C4orf50: variants seen among roughly 807,000 people sequenced by gnomAD.
C4orf50 encodes uncharacterized protein C4orf50.
Under a neutral mutation model 77.2 loss-of-function variants are expected in C4orf50, and 80 were observed. The observed-to-expected ratio is 1.04, with a 90% CI of 0.87 to 1.25. The LOEUF is 1.25. C4orf50 is among the 50% of genes most tolerant of loss of function. The pLI is 0.00. For missense variants in C4orf50, 1,257 were observed against 1,152.9 expected (o/e 1.09, Z -1.31); for synonymous variants, 532 against 465.3 (o/e 1.14, Z -1.84).
intron 29 of C4orf50, 67 bp from the exon 8 acceptor site, chr4:5,976,022 G>C: frequency 2.2e-6 from 3 of 1,337,398 alleles, no homozygotes; most frequent in Non-Finnish European, 3.2e-6. Flanking sequence ...GCTTCCCCAG[G>C]CAAGCTGGGC....
At position 5,935,933 on chromosome 4, in the gene C4orf50, G is replaced by A. The variant is rs139457404; in HGVS notation, c.*2474+20968C>T. Among the ~76,000 whole-genome samples, 834 of 151,932 alleles carry A rather than the reference G, an allele frequency of 5.5e-3. 7 individuals are homozygous for A. The highest frequency in any genetic ancestry group is 0.027 in the Middle Eastern group (8 of 292). On this transcript the variant is annotated intron_variant, in intron 7 of 7. Coordinates refer to the C4orf50 transcript ENST00000324058. Reference sequence around the variant, plus strand: ...CATCAAATAGTAGAACTATTGAATAGAGACCATAAAGTGGATTCTTAACAT... The same window carrying A: ...CATCAAATAGTAGAACTATTGAATAAAGACCATAAAGTGGATTCTTAACAT...
At chr4:5,985,830 G>A (rs892792532) in intron 28 of C4orf50, among the ~76,000 whole-genome samples, 1 of 152,058 alleles carries the variant, frequency 6.6e-6, no homozygotes, top group African/African-American at 2.4e-5. Context: ...TTAGCTGGGC[G>A]TGATGGTGGG....
At chr4:5,988,228 A>T in intron 28 of C4orf50, 119 bp downstream of exon 6, 1 of 1,295,786 alleles carries the variant, frequency 7.7e-7, no homozygotes, top group South Asian at 1.4e-5. Flanking sequence ...CTCATCTGGT[A>T]AGTGGGGAGG....
Position 5,918,984 on chromosome 4 carries a change from T to G in C4orf50, c.*2475-20796A>C, listed in dbSNP as rs1313593555. ...ATCACCGGTCCAGACTGCATTCCTC[T>G]GCACAGATGGGGAAACTGAGACCCG... On this transcript the variant is annotated intron_variant, in intron 7 of 7. Coordinates refer to the C4orf50 transcript ENST00000324058. Among the ~76,000 whole-genome samples, 5 of 152,192 alleles carry G rather than the reference T, an allele frequency of 3.3e-5. No individual in the cohort carries two copies. In the South Asian group the frequency reaches 1.0e-3, roughly 32 times the overall value.
intron 7 of C4orf50, among the ~76,000 whole-genome samples, chr4:5,938,905 G>C (rs915461889): frequency 2.0e-5 from 3 of 151,756 alleles, no homozygotes; most frequent in Non-Finnish European, 4.4e-5. Context: ...CAAATAGCTT[G>C]CCTTCCTCTG....
At position 5,995,715 on chromosome 4, in the gene C4orf50, C is replaced by A. The variant is rs111849298; in HGVS notation, c.964-1239G>T. Among the ~76,000 whole-genome samples the A allele has an allele frequency of 2.1e-3, 325 of 152,292 alleles. 2 individuals are homozygous for A. The highest frequency in any genetic ancestry group is 7.0e-3 in the African/African-American group (289 of 41,552). The stretch of plus-strand genomic sequence containing the variant: ...CTGCACCCTCATCCTAGCCTGTATA[C>A]GGTAGGTGCTTAATAAATGTTTCAT... On this transcript the variant is annotated intron_variant, in intron 25 of 33. Transcript: ENST00000531445.
chr4:6,013,925 T>C (rs1459163595), intron 23 of C4orf50, among the ~76,000 whole-genome samples: 1 of 151,876 alleles, frequency 6.6e-6, no homozygotes, highest in African/African-American at 2.4e-5. Context: ...GAATATGACA[T>C]AGACAGTGAA....
intron 7 of C4orf50, among the ~76,000 whole-genome samples, chr4:5,933,512 A>G (rs1396591006): frequency 9.9e-5 from 15 of 151,906 alleles, no homozygotes; most frequent in Admixed American, 9.8e-4. Context: ...TACACACCAG[A>G]CTCCACGCCA....
At chr4:5,959,352 G>T (rs368502154) in exon 34 of C4orf50, 2 of 1,605,450 alleles carry the variant, frequency 1.2e-6, no homozygotes, top group Non-Finnish European at 1.7e-6. Context: ...CTATGAAATG[G>T]CTCCGGAGAA....
chr4:5,925,422 C>T (rs976536809), intron 7 of C4orf50, among the ~76,000 whole-genome samples: 1 of 152,192 alleles, frequency 6.6e-6, no homozygotes, highest in East Asian at 1.9e-4. Flanking sequence ...CATTCCGCAG[C>T]ATGAGAACTA....
intron 30 of C4orf50, 85 bp from the exon 9 acceptor site, chr4:5,973,926 G>A (rs1720100408): frequency 2.7e-6 from 3 of 1,121,578 alleles, no homozygotes; most frequent in Non-Finnish European, 3.8e-6. Context: ...AGGGTCAGCT[G>A]AGGCCCCTAC....
intron 31 of C4orf50, among the ~76,000 whole-genome samples, chr4:5,969,822 T>A (rs891254511): frequency 3.3e-5 from 5 of 152,096 alleles, no homozygotes; most frequent in Admixed American, 6.5e-5. Context: ...CATCTGCAGG[T>A]GAATCTCCCA....
At chr4:5,991,447 C>A (rs1560589044) in intron 27 of C4orf50, among the ~76,000 whole-genome samples, 1 of 152,192 alleles carries the variant, frequency 6.6e-6, no homozygotes, top group Non-Finnish European at 1.5e-5. Context: ...TTGTTCAACT[C>A]CTGGGCCTAG....
intron 7 of C4orf50, among the ~76,000 whole-genome samples, chr4:5,917,039 G>C (rs1717056908): frequency 6.6e-6 from 1 of 152,244 alleles, no homozygotes; most frequent in African/African-American, 2.4e-5. Context: ...CCACAGGAAA[G>C]TGGATCCAAG....
exon 28 of C4orf50, chr4:5,989,226 A>G (rs1721101595): frequency 6.5e-7 from 1 of 1,535,842 alleles, no homozygotes; most frequent in African/African-American, 1.4e-5. Flanking sequence ...TGTCATGTAA[A>G]ATCTGGCTTC....
At chr4:5,990,994 T>C (rs576270436) in intron 27 of C4orf50, among the ~76,000 whole-genome samples, 170 bp from the exon 6 acceptor site, 1 of 152,310 alleles carries the variant, frequency 6.6e-6, no homozygotes, top group South Asian at 2.1e-4. Flanking sequence ...TTGCACGTGC[T>C]CTTCGCTCTG....
intron 31 of C4orf50, 97 bp from the exon 10 acceptor site, chr4:5,967,559 T>C (rs1719653290): frequency 5.1e-6 from 6 of 1,178,846 alleles, no homozygotes; most frequent in Non-Finnish European, 7.6e-6. Flanking sequence ...CCATCACCCC[T>C]CCCCGCAAAA....
In C4orf50 at chr4:5,899,061, T is replaced by C. The variant is rs376700725; in HGVS notation, c.*2475-873A>G. 4 of 152,214 alleles carry C rather than the reference T, an allele frequency of 2.6e-5. No individual in the cohort carries two copies. In the East Asian group the frequency reaches 5.8e-4, roughly 22 times the overall value. 9.4% of individuals were successfully genotyped at this position (152,214 alleles called of 1,614,324 possible). ...CTGAGTTCTTGAAAGCAGTTTTAGG[T>C]CCAACGTACAAATTATCTGTTTTTA... On this transcript the variant is annotated intron_variant, in intron 7 of 7. Coordinates refer to the C4orf50 transcript ENST00000324058.
At chr4:5,929,637 A>G (rs961152818) in intron 7 of C4orf50, among the ~76,000 whole-genome samples, 2 of 152,252 alleles carry the variant, frequency 1.3e-5, no homozygotes, top group South Asian at 4.1e-4. Context: ...ACTCCAGGAA[A>G]TGTAGTTTTT....
Sources: allele counts gnomAD v4.1 joint callset (sites outside exome capture counted in the v4.1 genomes callset), GRCh38; gene constraint gnomAD v4.1.1; transcripts MANE v1.5; gene names NCBI Gene and HGNC (gene_info 2026-07-23, HGNC 2026-07-21).